The following AARS1 variants were observed in gnomAD, a reference collection of about 807,000 sequenced individuals.
AARS1 encodes the protein alanyl-tRNA synthetase 1, also known as alanine--tRNA ligase, cytoplasmic.
Under a neutral mutation model 108.9 loss-of-function variants are expected in AARS1, and 72 were observed. The ratio of observed to expected loss-of-function variants is 0.66; its 90% confidence interval spans 0.55 to 0.80. AARS1 has a LOEUF of 0.80. Among genes scored for constraint, AARS1 ranks in the 30% least tolerant of loss-of-function variants. The pLI is 0.00. For missense variants in AARS1, 1,193 were observed against 1,233.2 expected, an observed-to-expected ratio of 0.97 and a Z score of 0.49; for synonymous variants, 489 against 465.7, an observed-to-expected ratio of 1.05 and a Z score of -0.64.
At chr16:70,282,832 A>C in intron 1 of AARS1, 48 bp from the exon 2 acceptor site, 2 of 1,575,984 alleles carry the variant, frequency 1.3e-6, no homozygotes, top group Non-Finnish European at 1.7e-6. Context: ...ATTGAAAGTC[A>C]AAGTACACAT....
Position 70,276,976 on chromosome 16 carries a change from T to A in AARS1, c.323A>T (p.Asp108Val). ...FEMLGSWSFGDYFKELACKMA... is the reference protein window; with the variant it reads ...FEMLGSWSFGVYFKELACKMA... ...CTGCTCTGAACTTACCTTAAAGTAA[T>A]CTCCAAAAGACCAAGAGCCCAGCAT... The change falls in exon 3 of 21, where the codon GAT becomes GTT. Residue 108 changes from aspartate to valine, a missense_variant. Coordinates refer to ENST00000261772, the MANE Select transcript of AARS1 (RefSeq NM_001605.3). 6.2e-7 allele frequency: 1 copy of A among 1,614,120 alleles called. No homozygotes were observed.
chr16:70,257,683 C>T (rs1419163383), intron 15 of AARS1, among the ~76,000 whole-genome samples: 2 of 152,148 alleles, frequency 1.3e-5, no homozygotes, highest in Non-Finnish European at 2.9e-5. Flanking sequence ...GGGCTAGGCC[C>T]ACATCAAGAG....
chr16:70,270,426 A>T, intron 5 of AARS1, 86 bp from the exon 6 acceptor site: 1 of 1,556,186 alleles, frequency 6.4e-7, no homozygotes. Context: ...TCATTTACAG[A>T]ACAGTTTGCA....
chr16:70,255,979 A>T, intron 15 of AARS1, 143 bp from the exon 16 acceptor site: 2 of 735,672 alleles, frequency 2.7e-6, no homozygotes, highest in East Asian at 2.7e-5. Context: ...ACCAAGCGGG[A>T]CACCAGCTCG....
intron 4 of AARS1, among the ~76,000 whole-genome samples, chr16:70,274,275 A>G (rs1960483895): frequency 6.6e-6 from 1 of 151,376 alleles, no homozygotes; most frequent in Admixed American, 6.6e-5. Context: ...CGGGAGACGG[A>G]GGTTGCGGTG....
intron 11 of AARS1, among the ~76,000 whole-genome samples, chr16:70,262,967 CAAAAAAAAAAAAAAAAAA>C (rs57444625): frequency 4.9e-5 from 1 of 20,588 alleles, no homozygotes; most frequent in East Asian, 2.3e-3. Context: ...GACTCGGTCT[CAAAAAAAAAAAAAAAAAA>C]AAAAAAAAAA....
In AARS1 at chr16:70,265,031, G is replaced by C. The variant is rs375571275; in HGVS notation, c.1419C>G (p.Leu473=). ...CTGTGACCTCCAGACCCCGTGCCCG[G>C]AGCTCTTCGATAGCGTAAATGTCCA... ...IMLDIYAIEE[L]RARGLEVTDD... Residue 473 remains leucine, a synonymous_variant, in exon 11 of 21, where the codon CTC becomes CTG. Transcript: ENST00000261772. 64 of 1,614,144 alleles carry C rather than the reference G, an allele frequency of 4.0e-5. No homozygotes were observed. In the Middle Eastern group the frequency reaches 2.0e-3, roughly 50 times the overall value.
At chr16:70,276,459 C>G in intron 4 of AARS1, 27 bp downstream of exon 4, 2 of 1,612,768 alleles carry the variant, frequency 1.2e-6, no homozygotes, top group Non-Finnish European at 1.7e-6. Context: ...CTCCTCCATA[C>G]TCTCAAGAAG....
chr16:70,272,580 A>T (rs1444689682), intron 4 of AARS1, among the ~76,000 whole-genome samples: 2 of 151,328 alleles, frequency 1.3e-5, no homozygotes, highest in African/African-American at 2.4e-5. Context: ...GAGTGCCTAC[A>T]ATAGAAGACA....
Position 70,282,753 on chromosome 16 carries a change from G to A in AARS1, c.11C>T (p.Thr4Ile), listed in dbSNP as rs1335517508. MDS[T>I]LTASEIRQRF... ...CTGCCGGATTTCACTTGCTGTTAGAGTAGAGTCCATCTTGAAAGTCACCCC... is the reference window on the plus strand; with the variant it reads ...CTGCCGGATTTCACTTGCTGTTAGAATAGAGTCCATCTTGAAAGTCACCCC... Residue 4 changes from threonine (T) to isoleucine (I), a missense_variant, in exon 2 of 21, where the codon ACT (threonine) becomes ATT (isoleucine). Transcript: ENST00000261772. 1 of 1,613,992 alleles carries A rather than the reference G, an allele frequency of 6.2e-7. No individual in the cohort carries two copies. The highest frequency in any genetic ancestry group is 8.5e-7 in the Non-Finnish European group (1 of 1,179,998).
chr16:70,270,139 A>AG, intron 6 of AARS1, 57 bp downstream of exon 6: 1 of 1,603,836 alleles, frequency 6.2e-7, no homozygotes, highest in East Asian at 2.2e-5. Context: ...AGCACTGTTA[A>AG]GAGTACAGCC....
chr16:70,253,686 G>A, intron 19 of AARS1, 28 bp downstream of exon 19: 3 of 1,609,422 alleles, frequency 1.9e-6, no homozygotes, highest in Non-Finnish European at 2.5e-6. Flanking sequence ...ATGAGCCCTA[G>A]GGGAGGGGAC....
In AARS1 at chr16:70,258,146, C is replaced by A. The variant is rs1448915790; in HGVS notation, c.2064G>T (p.Glu688Asp). ...AIQGLRAVFD[E>D]TYPDPVRVVS... ...CGACTCGCACAGGGTCAGGATAGGT[C>A]TCATCAAACACAGCCCGTAGGCCCT... Residue 688 changes from glutamate (E) to aspartate (D), a missense_variant, in exon 15 of 21, where the codon GAG becomes GAT. Coordinates refer to ENST00000261772, the MANE Select transcript of AARS1 (RefSeq NM_001605.3). 6.2e-7 allele frequency: 1 copy of A among 1,612,216 alleles called. No homozygotes were observed. Among genetic ancestry groups the A allele is most frequent in the Admixed American group, 1.7e-5 (1 of 59,774 alleles).
intron 18 of AARS1, 50 bp downstream of exon 18, chr16:70,253,869 C>T (rs1369357650): frequency 4.3e-6 from 7 of 1,614,252 alleles, no homozygotes; most frequent in Non-Finnish European, 5.9e-6. Flanking sequence ...GGCTGTTCTG[C>T]CAGCCTTTGC....
chr16:70,262,310 C>T (rs779646805), intron 12 of AARS1, 36 bp downstream of exon 12: 2 of 1,613,682 alleles, frequency 1.2e-6, no homozygotes, highest in Non-Finnish European at 1.7e-6. Flanking sequence ...CCACGCCTGG[C>T]CCTCCTCGGC....
chr16:70,269,758 TG>T lies in AARS1; in HGVS notation c.821del (p.Thr274LysfsTer51), dbSNP rs1567607618. ...CTTTCCCAGTGTATGGTCGGGCACC[TG>T]TGCCCTATAGATAAGAATCAGGAGG... ...VPYFEAIQKG[T>X]GARPYTGKVG... is the part of the protein sequence containing the mutation. On this transcript the variant is annotated frameshift_variant, in exon 7 of 21. Transcript: ENST00000261772. LOFTEE classifies it high-confidence loss of function. 1 of 1,614,162 alleles carries T rather than the reference TG, an allele frequency of 6.2e-7. No individual in the cohort carries two copies. The highest frequency in any genetic ancestry group is 1.3e-5 in the African/African-American group (1 of 75,064).
chr16:70,282,259 G>A (rs1330515941), intron 2 of AARS1, among the ~76,000 whole-genome samples: 2 of 146,820 alleles, frequency 1.4e-5, no homozygotes, highest in South Asian at 2.2e-4. Context: ...AATCCAGAAG[G>A]CAGAACTTGC....
intron 11 of AARS1, among the ~76,000 whole-genome samples, chr16:70,262,967 CAAAAAAAAAAAAAAAAA>C (rs57444625): frequency 9.7e-5 from 2 of 20,588 alleles, no homozygotes; most frequent in Non-Finnish European, 1.8e-4. Context: ...GACTCGGTCT[CAAAAAAAAAAAAAAAAA>C]AAAAAAAAAA....
intron 20 of AARS1, 112 bp from the exon 21 acceptor site, chr16:70,253,018 T>A: frequency 8.1e-7 from 1 of 1,241,580 alleles, no homozygotes; most frequent in Non-Finnish European, 1.2e-6. Context: ...TGGGTGATAC[T>A]GCTGGAGGCC....
Sources: gnomAD v4.1 joint callset for allele counts (sites outside exome capture counted in the v4.1 genomes callset) on GRCh38, gnomAD v4.1.1 for gene constraint, MANE v1.5 for transcripts, NCBI Gene and HGNC (gene_info 2026-07-23, HGNC 2026-07-21) for gene names.